PRR35: variants seen among roughly 807,000 people sequenced by gnomAD.
PRR35 encodes the protein proline rich 35.
In PRR35, 14 loss-of-function variants were observed where a neutral mutation model predicts 18.6. That is an observed-to-expected ratio of 0.75 (90% CI 0.50 to 1.18). The LOEUF is 1.18. Ranked by LOEUF, PRR35 falls within the 50% of genes most tolerant of loss-of-function variation. The probability of loss-of-function intolerance (pLI) is 0.00; values close to 1 mark genes in which losing one functional copy is unlikely to be tolerated. For synonymous variants in PRR35, 425 were observed against 378.2 expected (o/e 1.12, Z -1.43); for missense variants, 832 against 792.2 (o/e 1.05, Z -0.60).
Position 563,421 on chromosome 16 carries a change from C to T in PRR35, c.127C>T (p.Pro43Ser), listed in dbSNP as rs763122954. ...CTACAACTACAAATGCTTCCAGTGC[C>T]CCTTCACCTGCCTGGAGAAGTCACA... ...KPYNYKCFQC[P>S]FTCLEKSHLY... The change falls in exon 2 of 3, where the codon CCC (proline) becomes TCC (serine). Residue 43 changes from proline (P) to serine (S), a missense_variant. Transcript: ENST00000409413. The T allele has an allele frequency of 3.7e-6, 6 of 1,612,566 alleles. No homozygotes were observed. Among genetic ancestry groups the T allele is most frequent in the Non-Finnish European group, 5.1e-6 (6 of 1,179,696 alleles).
rs200978755 is a variant in PRR35 at position 565,243 on chromosome 16, C to G, written c.1652C>G (p.Thr551Arg). 123 of 1,600,684 alleles carry G rather than the reference C, an allele frequency of 7.7e-5. No homozygotes were observed. The highest frequency in any genetic ancestry group is 9.9e-5 in the Non-Finnish European group (116 of 1,174,286). The change falls in exon 3 of 3, where the codon ACG becomes AGG. Residue 551 changes from threonine to arginine, a missense_variant. Thr to Arg is a moderately conservative substitution (Grantham distance 71). Transcript: ENST00000409413. ...AGTGGCTGGGGCACCTGTGTTGCGACGAGGAGTTCCCAGACCCCTGAGGCT... is the reference window on the plus strand; with the variant it reads ...AGTGGCTGGGGCACCTGTGTTGCGAGGAGGAGTTCCCAGACCCCTGAGGCT... ...PGSGWGTCVA[T>R]RSSQTPEAVC... is the part of the protein sequence containing the mutation.
rs561893556 is a variant in PRR35, at chr16:561,299, C to A, written c.-40+638C>A. 2.1e-3 allele frequency among the ~76,000 whole-genome samples: 323 copies of A among 152,350 alleles called. 1 individual carries two copies. Among genetic ancestry groups the A allele is most frequent in the Middle Eastern group, 0.014 (4 of 294 alleles). ...GACAGCCCCTTGGACAAGCCCCTGACCCGGGAGCCCCCGGTCCCTGCTGGG... is the reference window on the plus strand; with the variant it reads ...GACAGCCCCTTGGACAAGCCCCTGAACCGGGAGCCCCCGGTCCCTGCTGGG... On this transcript the variant is annotated intron_variant, in intron 1 of 2. Transcript: ENST00000409413.
rs2035413606 is a variant in PRR35 at position 560,435 on chromosome 16, C to T, written c.-266C>T. On this transcript the variant is annotated 5_prime_UTR_variant, in exon 1 of 3. Coordinates refer to ENST00000409413, the MANE Select transcript of PRR35 (RefSeq NM_145270.3). ...AGCGGCGTCGGGGGGACGCGGGCGG[C>T]GGCGGAGGCTGCGGGAGTCGCTGCC... 6.1e-6 allele frequency: 6 copies of T among 982,932 alleles called. No individual in the cohort carries two copies. Among genetic ancestry groups the T allele is most frequent in the South Asian group, 9.4e-5 (2 of 21,292 alleles). The allele number at this position is 982,932 out of a possible 1,614,324, so 60.9% of individuals were successfully genotyped here.
chr16:563,302 G>C lies in PRR35; in HGVS notation c.8G>C (p.Arg3Pro). 1 of 1,605,940 alleles carries C rather than the reference G, an allele frequency of 6.2e-7. No individual in the cohort carries two copies. The highest frequency in any genetic ancestry group is 8.5e-7 in the Non-Finnish European group (1 of 1,177,118). The change falls in exon 2 of 3, where the codon CGG becomes CCG. Residue 3 changes from arginine (R) to proline (P), a missense_variant. Around this residue, in one of 3 missense-constraint regions of PRR35, gnomAD observed 56 missense variants for 64.8 expected, o/e 0.86. Transcript: ENST00000409413. MSREAGSCRVGTG... is the reference protein window; with the variant it reads MSPEAGSCRVGTG... ...GCCTCATAGCAGGCTGCCATGTCGC[G>C]GGAGGCGGGCTCATGCCGCGTGGGC...
Position 564,854 on chromosome 16 carries a change from C to T in PRR35, c.1263C>T (p.Arg421=). ...ALGDYARVEQ[R]LGQLGPAGGL... ...GTGACTACGCCAGGGTGGAGCAGCG[C>T]CTGGGACAGTTGGGGCCCGCGGGGG... is the stretch of plus-strand genomic sequence containing the variant. The change falls in exon 3 of 3, where the codon CGC becomes CGT. Residue 421 remains arginine, a synonymous_variant. Coordinates refer to ENST00000409413, the MANE Select transcript of PRR35 (RefSeq NM_145270.3). 3.8e-6 allele frequency: 6 copies of T among 1,562,560 alleles called. No homozygotes were observed. Among genetic ancestry groups the T allele is most frequent in the Non-Finnish European group, 5.2e-6 (6 of 1,158,246 alleles).
chr16:565,420 G>C lies in PRR35; in HGVS notation c.*113G>C, dbSNP rs2142114796. ...CCCCGCCTCCGCATGCATGTGGATA[G>C]ACCCCCACGGGCCGTGGCCAACGCT... On this transcript the variant is annotated 3_prime_UTR_variant, in exon 3 of 3. Transcript: ENST00000409413. 1 of 1,166,606 alleles carries C rather than the reference G, an allele frequency of 8.6e-7. No individual in the cohort carries two copies. Among genetic ancestry groups the C allele is most frequent in the Non-Finnish European group, 1.1e-6 (1 of 879,464 alleles). 72.3% of individuals were successfully genotyped at this position (1,166,606 alleles called of 1,614,324 possible).
chr16:565,179 C>T lies in PRR35; in HGVS notation c.1588C>T (p.Leu530Phe), dbSNP rs781059644. The T allele has an allele frequency of 1.2e-6, 2 of 1,610,844 alleles. No homozygotes were observed. Among genetic ancestry groups the T allele is most frequent in the African/African-American group, 2.7e-5 (2 of 74,854 alleles). ...EADSSVPPPGLPLAAPDDPVI... is the reference protein window; with the variant it reads ...EADSSVPPPGFPLAAPDDPVI... Reference sequence around the variant, plus strand: ...CGACTCCAGCGTCCCACCCCCAGGGCTCCCCCTCGCAGCCCCAGATGACCC... The same window carrying T: ...CGACTCCAGCGTCCCACCCCCAGGGTTCCCCCTCGCAGCCCCAGATGACCC... Residue 530 changes from leucine (L) to phenylalanine (F), a missense_variant, in exon 3 of 3, where the codon CTC becomes TTC. Physicochemically the swap from Leu to Phe is conservative, Grantham distance 22. This residue lies in a region of PRR35 where 768 missense variants were observed against 704.1 expected (regional missense o/e 1.09). Transcript: ENST00000409413.
intron 2 of PRR35, 108 bp downstream of exon 2, chr16:564,484 C>A: frequency 6.8e-7 from 1 of 1,464,544 alleles, no homozygotes; most frequent in East Asian, 2.4e-5. Flanking sequence ...TGAGCTCAGT[C>A]GCTGGGAAAG....
At chr16:562,540 CACACGCACAT>C (rs2142108090) in intron 1 of PRR35, among the ~76,000 whole-genome samples, 1 of 151,810 alleles carries the variant, frequency 6.6e-6, no homozygotes, top group African/African-American at 2.4e-5. Flanking sequence ...CGTGTGCACA[CACACGCACAT>C]GCACGCACAC....
Position 564,963 on chromosome 16 carries a change from G to C in PRR35, c.1372G>C (p.Val458Leu), listed in dbSNP as rs376789660. 1.2e-6 allele frequency: 2 copies of C among 1,605,742 alleles called. No individual in the cohort carries two copies. Among genetic ancestry groups the C allele is most frequent in the East Asian group, 2.2e-5 (1 of 44,680 alleles). The change falls in exon 3 of 3, where the codon GTG becomes CTG. Residue 458 changes from valine to leucine, a missense_variant. By Grantham distance (32) the Val-to-Leu change is conservative. Around this residue, in one of 3 missense-constraint regions of PRR35, gnomAD observed 768 missense variants for 704.1 expected, o/e 1.09. Transcript: ENST00000409413. ...LTIHQALEQA[V>L]RPPDAPLDLS... ...CATTCACCAGGCGCTGGAGCAGGCC[G>C]TGAGGCCGCCAGACGCACCCCTCGA... is the stretch of plus-strand genomic sequence containing the variant.
chr16:561,306 GC>G (rs2035429979), intron 1 of PRR35, among the ~76,000 whole-genome samples: 1 of 152,216 alleles, frequency 6.6e-6, no homozygotes, highest in Non-Finnish European at 1.5e-5. Flanking sequence ...TGACCCGGGA[GC>G]CCCCGGTCCC....
rs2035436621 is a variant in PRR35, at chr16:561,609, C to A, written c.-40+948C>A. On this transcript the variant is annotated intron_variant, in intron 1 of 2. Coordinates refer to ENST00000409413, the MANE Select transcript of PRR35 (RefSeq NM_145270.3). ...CACAGACCAGCTGGTCAGCCTCTGC[C>A]TGCCCCTGCAGCCCGTGACTGCCCT... The A allele has an allele frequency of 8.8e-6, 4 of 453,584 alleles. No individual in the cohort carries two copies. The Admixed American group carries it at 2.6e-4, about 29-fold the overall frequency. The allele number at this position is 453,584 out of a possible 1,614,324, so 28.1% of individuals were successfully genotyped here.
Position 565,100 on chromosome 16 carries a change from G to A in PRR35, c.1509G>A (p.Met503Ile). ...LTGGTPEPPG[M>I]LGPAAPQPFS... is the part of the protein sequence containing the mutation. ...GGGGCACCCCCGAGCCACCCGGCAT[G>A]CTGGGCCCTGCAGCGCCCCAACCCT... Residue 503 changes from methionine to isoleucine, a missense_variant, in exon 3 of 3, where the codon ATG becomes ATA. Around this residue, in one of 3 missense-constraint regions of PRR35, gnomAD observed 768 missense variants for 704.1 expected, o/e 1.09. Transcript: ENST00000409413. 6.3e-7 allele frequency: 1 copy of A among 1,597,030 alleles called. No individual in the cohort carries two copies. Among genetic ancestry groups the A allele is most frequent in the Non-Finnish European group, 8.5e-7 (1 of 1,170,964 alleles).
intron 1 of PRR35, among the ~76,000 whole-genome samples, chr16:561,477 C>A (rs1022145381): frequency 6.6e-6 from 1 of 152,170 alleles, no homozygotes; most frequent in African/African-American, 2.4e-5. Flanking sequence ...GAGAAGGGGC[C>A]GCCTCTGCAC....
At position 564,219 on chromosome 16, in the gene PRR35, C is replaced by G. The variant is rs1449751604; in HGVS notation, c.925C>G (p.Leu309Val). The G allele has an allele frequency of 3.2e-6, 5 of 1,569,962 alleles. No individual in the cohort carries two copies. ...PGLLKVPVPG[L>V]GPWPRVTPRD... is the part of the protein sequence containing the mutation. ...CCTGCTGAAGGTGCCAGTTCCAGGG[C>G]TGGGGCCCTGGCCCCGAGTCACCCC... Residue 309 changes from leucine (L) to valine (V), a missense_variant, in exon 2 of 3, where the codon CTG (leucine) becomes GTG (valine). Leu to Val is a conservative substitution (Grantham distance 32). This residue lies in a region of PRR35 where 768 missense variants were observed against 704.1 expected (regional missense o/e 1.09). Transcript: ENST00000409413.
chr16:563,717 AC>A lies in PRR35; in HGVS notation c.428del (p.Pro143LeufsTer160), dbSNP rs2035481749. ...SRAKGSPGPP[P>X]PVARATRKGP... is the part of the protein sequence containing the mutation. ...GGGCCAAGGGGTCCCCAGGGCCACC[AC>A]CCCCTGTGGCTAGGGCCACCCGGAA... is the stretch of plus-strand genomic sequence containing the variant. On this transcript the variant is annotated frameshift_variant, in exon 2 of 3. Transcript: ENST00000409413. LOFTEE classifies it high-confidence loss of function. The A allele has an allele frequency of 1.9e-6, 3 of 1,541,558 alleles. No individual in the cohort carries two copies. Among genetic ancestry groups the A allele is most frequent in the African/African-American group, 2.7e-5 (2 of 73,180 alleles).
rs185632812 is a variant in PRR35, at chr16:563,527, G to A, written c.233G>A (p.Arg78His). ...LLDSPDWACR[R>H]GSTTPRPHAP... ...GACTCCCCAGACTGGGCGTGCCGCC[G>A]TGGCTCCACCACGCCTAGGCCCCAC... The change falls in exon 2 of 3, where the codon CGT becomes CAT. Residue 78 changes from arginine (R) to histidine (H), a missense_variant. By Grantham distance (29) the Arg-to-His change is conservative. Around this residue, in one of 3 missense-constraint regions of PRR35, gnomAD observed 768 missense variants for 704.1 expected, o/e 1.09. Coordinates refer to ENST00000409413, the MANE Select transcript of PRR35 (RefSeq NM_145270.3). The A allele has an allele frequency of 2.7e-5, 43 of 1,611,672 alleles. No individual in the cohort carries two copies. Among genetic ancestry groups the A allele is most frequent in the African/African-American group, 1.9e-4 (14 of 75,004 alleles).
rs755246578 is a variant in PRR35, at chr16:565,145, G to A, written c.1554G>A (p.Lys518=). The change falls in exon 3 of 3, where the codon AAG becomes AAA. Residue 518 remains lysine (K), a synonymous_variant. Transcript: ENST00000409413. The part of the protein sequence containing the change: ...APQPFSGHTT[K]CEADSSVPPP... ...AACCCTTCTCTGGCCACACCACCAA[G>A]TGTGAGGCCGACTCCAGCGTCCCAC... 2.5e-6 allele frequency: 4 copies of A among 1,609,834 alleles called. No homozygotes were observed. Among genetic ancestry groups the A allele is most frequent in the Admixed American group, 3.3e-5 (2 of 59,740 alleles).
In PRR35 at chr16:565,094, C is replaced by T. The variant is rs113719773; in HGVS notation, c.1503C>T (p.Pro501=). 154 of 1,594,414 alleles carry T rather than the reference C, an allele frequency of 9.7e-5. No individual in the cohort carries two copies. Among genetic ancestry groups the T allele is most frequent in the African/African-American group, 1.3e-4 (10 of 74,366 alleles). ...PVLTGGTPEP[P]GMLGPAAPQP... ...TGACCGGGGGCACCCCCGAGCCACC[C>T]GGCATGCTGGGCCCTGCAGCGCCCC... Residue 501 remains proline, a synonymous_variant, in exon 3 of 3, where the codon CCC becomes CCT. Transcript: ENST00000409413.
Sources: gnomAD v4.1 joint callset for allele counts (sites outside exome capture counted in the v4.1 genomes callset) on GRCh38, gnomAD v4.1.1 for gene constraint, gnomAD v4.1.1 regional missense constraint, MANE v1.5 for transcripts, NCBI Gene and HGNC (gene_info 2026-07-23, HGNC 2026-07-21) for gene names.